RFX4: variants seen among roughly 807,000 people sequenced by gnomAD.
The protein encoded by RFX4 is transcription factor RFX4.
Under a neutral mutation model 95.0 loss-of-function variants are expected in RFX4, and 10 were observed. That is an observed-to-expected ratio of 0.11 (90% confidence interval 0.06 to 0.18). The LOEUF (loss-of-function observed/expected upper bound fraction) is 0.18. Ranked by LOEUF, RFX4 falls within the 10% of genes least tolerant of loss-of-function variation. The probability of loss-of-function intolerance (pLI) is 1.00; values close to 1 mark genes in which losing one functional copy is unlikely to be tolerated. For synonymous variants in RFX4, 321 were observed against 340.7 expected (o/e 0.94, Z 0.64); for missense variants, 640 against 922.0 (o/e 0.69, Z 3.96).
At chr12:106,592,082 T>C (rs1020876620) in intron 1 of RFX4, among the ~76,000 whole-genome samples, 7 of 152,194 alleles carry the variant, frequency 4.6e-5, no homozygotes, top group Admixed American at 3.9e-4. Flanking sequence ...AGTATTTGAT[T>C]TCATGCCTGA....
At chr12:106,637,462 C>T (rs1164558344) in intron 2 of RFX4, among the ~76,000 whole-genome samples, 1 of 151,970 alleles carries the variant, frequency 6.6e-6, no homozygotes, top group Non-Finnish European at 1.5e-5. Flanking sequence ...AAACTATTTT[C>T]ATAGATACCA....
chr12:106,682,040 C>T lies in RFX4; in HGVS notation c.363C>T (p.Thr121=). The T allele has an allele frequency of 6.2e-7, 1 of 1,614,162 alleles. No individual in the cohort carries two copies. Among genetic ancestry groups the T allele is most frequent in the East Asian group, 2.2e-5 (1 of 44,882 alleles). Residue 121 remains threonine, a synonymous_variant, in exon 5 of 18, where the codon ACC becomes ACT. Transcript: ENST00000392842. ...AGTTAACCACCAGAAGACTCGGGAC[C>T]CGAGGACAGTCAAAGTAAGCACCGG... ...FPQLTTRRLG[T]RGQSKYHYYG...
chr12:106,711,349 G>A (rs577599840), intron 9 of RFX4, 104 bp from the exon 10 acceptor site: 221 of 1,006,892 alleles, frequency 2.2e-4, no homozygotes, highest in Non-Finnish European at 3.1e-4. Flanking sequence ...TGAGATAAAC[G>A]TAGGCAAAAT....
intron 14 of RFX4, 60 bp from the exon 15 acceptor site, chr12:106,732,864 C>A: frequency 2.6e-6 from 4 of 1,532,078 alleles, no homozygotes. Flanking sequence ...TTTTTAAAGT[C>A]TTTTAGAGAC....
At chr12:106,610,214 G>GGCT (rs1407432806) in intron 2 of RFX4, among the ~76,000 whole-genome samples, 1 of 146,478 alleles carries the variant, frequency 6.8e-6, no homozygotes, top group Non-Finnish European at 1.5e-5. Flanking sequence ...CTCCAGCCTG[G>GGCT]GCAACAGAGT....
intron 10 of RFX4, 184 bp from the exon 11 acceptor site, chr12:106,715,216 A>G: frequency 1.6e-6 from 1 of 638,206 alleles, no homozygotes; most frequent in East Asian, 2.8e-5. Flanking sequence ...ACCATAGGAG[A>G]AAACAGTGTC....
chr12:106,608,919 A>G (rs1268702657), intron 2 of RFX4, 36 bp downstream of exon 2: 13 of 1,578,944 alleles, frequency 8.2e-6, no homozygotes, highest in South Asian at 1.2e-5. Context: ...ATGACATCCC[A>G]GACATGGCCA....
intron 3 of RFX4, among the ~76,000 whole-genome samples, chr12:106,639,731 C>A (rs2040581150): frequency 6.6e-6 from 1 of 152,078 alleles, no homozygotes; most frequent in South Asian, 2.1e-4. Flanking sequence ...TACCAATGAA[C>A]CCTTAATTCA....
intron 7 of RFX4, among the ~76,000 whole-genome samples, chr12:106,692,387 T>C (rs1398103761): frequency 6.6e-6 from 1 of 152,158 alleles, no homozygotes; most frequent in Non-Finnish European, 1.5e-5. Flanking sequence ...TGAAATTGTG[T>C]ATGTAAAGTG....
At chr12:106,616,785 G>A (rs757690888) in intron 2 of RFX4, among the ~76,000 whole-genome samples, 1 of 151,958 alleles carries the variant, frequency 6.6e-6, no homozygotes, top group Non-Finnish European at 1.5e-5. Flanking sequence ...TTTTGAGACG[G>A]AGTCTCATTC....
At chr12:106,603,935 T>C (rs2039766658) in intron 1 of RFX4, among the ~76,000 whole-genome samples, 1 of 152,078 alleles carries the variant, frequency 6.6e-6, no homozygotes, top group Non-Finnish European at 1.5e-5. Flanking sequence ...AAGCATGCAT[T>C]TATTGTGCGA....
chr12:106,684,994 CA>C, intron 5 of RFX4: 1 of 1,586,146 alleles, frequency 6.3e-7, no homozygotes, highest in Non-Finnish European at 8.6e-7. Flanking sequence ...TCCCATAATT[CA>C]AAATGCCTTC....
At chr12:106,759,913 T>A (rs2043179767) in intron 17 of RFX4, among the ~76,000 whole-genome samples, 1 of 152,168 alleles carries the variant, frequency 6.6e-6, no homozygotes, top group African/African-American at 2.4e-5. Flanking sequence ...TCTCTTTGCA[T>A]GCTTCCGGCC....
chr12:106,670,160 T>TATCAGTG (rs1255317789), intron 4 of RFX4, among the ~76,000 whole-genome samples: 1 of 152,192 alleles, frequency 6.6e-6, no homozygotes, highest in African/African-American at 2.4e-5. Flanking sequence ...ATCACTAACA[T>TATCAGTG]ATCAGTGTTC....
At chr12:106,672,455 A>G (rs1423965126) in intron 4 of RFX4, among the ~76,000 whole-genome samples, 3 of 152,238 alleles carry the variant, frequency 2.0e-5, no homozygotes, top group Non-Finnish European at 4.4e-5. Flanking sequence ...ATCAGTAGCT[A>G]GAACAGCATG....
intron 11 of RFX4, among the ~76,000 whole-genome samples, chr12:106,717,134 C>T (rs1490821141): frequency 6.6e-6 from 1 of 152,056 alleles, no homozygotes; most frequent in African/African-American, 2.4e-5. Flanking sequence ...AAGCATGGCC[C>T]TGCACACCCT....
At chr12:106,583,757 G>A (rs1488392947) in intron 1 of RFX4, 1 of 160,696 alleles carries the variant, frequency 6.2e-6, no homozygotes, top group Admixed American at 6.4e-5. Flanking sequence ...CGGAATAGCG[G>A]TGCGCTCGGG....
chr12:106,627,400 T>A (rs2040323635), intron 2 of RFX4, among the ~76,000 whole-genome samples: 1 of 152,102 alleles, frequency 6.6e-6, no homozygotes, highest in Non-Finnish European at 1.5e-5. Context: ...CCAGGCATGG[T>A]GGCGGGCACC....
chr12:106,631,796 AC>A, intron 2 of RFX4, among the ~76,000 whole-genome samples: 1 of 152,322 alleles, frequency 6.6e-6, no homozygotes, highest in African/African-American at 2.4e-5. Flanking sequence ...ATGGGCAGCG[AC>A]CACACTCTGC....
Sources: gnomAD v4.1 joint callset for allele counts (sites outside exome capture counted in the v4.1 genomes callset) on GRCh38, gnomAD v4.1.1 for gene constraint, MANE v1.5 for transcripts, NCBI Gene and HGNC (gene_info 2026-07-23, HGNC 2026-07-21) for gene names.